Variants in PALS1 observed in about 807,000 individuals in gnomAD.
PALS1 encodes protein PALS1.
PALS1 carries 31 observed loss-of-function variants against 78.9 expected under a neutral mutation model. That is an observed-to-expected ratio of 0.39 (90% CI 0.30 to 0.53). The LOEUF (loss-of-function observed/expected upper bound fraction) is 0.53, where lower values mean the gene tolerates loss of function less well. PALS1 is among the 20% of genes least tolerant of loss of function. The pLI is 0.67. For synonymous variants in PALS1, 276 were observed against 270.9 expected, an observed-to-expected ratio of 1.02 and a Z score of -0.18; for missense variants, 704 against 826.5, an observed-to-expected ratio of 0.85 and a Z score of 1.82.
At chr14:67,276,699 T>A (rs973609727) in intron 2 of PALS1, among the ~76,000 whole-genome samples, 1 of 152,166 alleles carries the variant, frequency 6.6e-6, no homozygotes, top group African/African-American at 2.4e-5. Flanking sequence ...CCTGGGGAGA[T>A]AACCAAAATG....
At chr14:67,332,084 C>A (rs2085459181) in intron 14 of PALS1, among the ~76,000 whole-genome samples, 1 of 152,168 alleles carries the variant, frequency 6.6e-6, no homozygotes, top group Non-Finnish European at 1.5e-5. Context: ...ACTTTTATAT[C>A]TGAGACATTT....
Position 67,245,756 on chromosome 14 carries a change from A to G in PALS1, c.-237+4223A>G, listed in dbSNP as rs189638479. 2.8e-3 allele frequency among the ~76,000 whole-genome samples: 424 copies of G among 152,246 alleles called. 1 individual carries two copies. The highest frequency in any genetic ancestry group is 9.5e-3 in the Admixed American group (146 of 15,290). On this transcript the variant is annotated intron_variant, in intron 1 of 14. Transcript: ENST00000261681. The stretch of plus-strand genomic sequence containing the variant: ...TAACTTCTATACTTCATTACTTTTG[A>G]AGTATAGAATTTTATATTTTGAGAA...
At chr14:67,244,561 A>G (rs1322442516) in intron 1 of PALS1, among the ~76,000 whole-genome samples, 2 of 152,348 alleles carry the variant, frequency 1.3e-5, no homozygotes, top group East Asian at 1.9e-4. Flanking sequence ...TGCAACTACC[A>G]CAATCAAGGT....
At chr14:67,286,412 T>C (rs1240749042) in intron 3 of PALS1, among the ~76,000 whole-genome samples, 5 of 152,332 alleles carry the variant, frequency 3.3e-5, no homozygotes, top group African/African-American at 1.2e-4. Flanking sequence ...TGGAAGAGTG[T>C]ATTTGACAGG....
At chr14:67,322,274 G>T (rs551038076) in intron 13 of PALS1, among the ~76,000 whole-genome samples, 1 of 152,220 alleles carries the variant, frequency 6.6e-6, no homozygotes, top group East Asian at 1.9e-4. Context: ...CCTGAGCCAG[G>T]GAGGCGGAGA....
At chr14:67,305,794 A>T (rs1486394880) in intron 8 of PALS1, among the ~76,000 whole-genome samples, 1 of 152,228 alleles carries the variant, frequency 6.6e-6, no homozygotes, top group Non-Finnish European at 1.5e-5. Flanking sequence ...TTTAGTGGTT[A>T]TTTAACCCCC....
rs1395455144 is a variant in PALS1, at chr14:67,302,474, C to T, written c.866C>T (p.Ala289Val). ...AGCCGGATAGTAAAAGGGGGTGCTG[C>T]AGAGAAAAGTGGTCTGTTGCATGAA... The part of the protein sequence containing the change: ...IISRIVKGGA[A>V]EKSGLLHEGD... The change falls in exon 7 of 15, where the codon GCA becomes GTA. Residue 289 changes from alanine (A) to valine (V), a missense_variant. Coordinates refer to ENST00000261681, the MANE Select transcript of PALS1 (RefSeq NM_022474.4). The T allele has an allele frequency of 2.5e-6, 4 of 1,599,116 alleles. No homozygotes were observed. The African/African-American group carries it at 5.4e-5, about 22-fold the overall frequency.
At position 67,265,968 on chromosome 14, in the gene PALS1, G is replaced by T. The variant is rs114828431; in HGVS notation, c.-236-3733G>T. Among the ~76,000 whole-genome samples, 608 of 151,838 alleles carry T rather than the reference G, an allele frequency of 4.0e-3. 18 individuals carry two copies. The East Asian group carries it at 0.057, about 14-fold the overall frequency. On this transcript the variant is annotated intron_variant, in intron 1 of 14. Transcript: ENST00000261681. ...ATTAAAAAACTTTTAAAAAAAATCT[G>T]TAAAAGTATTATTTATTTTTTGTAG...
At chr14:67,288,820 C>A (rs1354575759) in intron 3 of PALS1, among the ~76,000 whole-genome samples, 1 of 152,030 alleles carries the variant, frequency 6.6e-6, no homozygotes, top group Non-Finnish European at 1.5e-5. Flanking sequence ...TAGCTCTGGG[C>A]CACAGCTTCT....
Position 67,320,436 on chromosome 14 carries a change from A to G in PALS1, c.1537+39A>G, listed in dbSNP as rs750691359. 60 of 1,533,768 alleles carry G rather than the reference A, an allele frequency of 3.9e-5. 1 individual carries two copies. The highest frequency in any genetic ancestry group is 1.8e-4 in the African/African-American group (13 of 71,716). On this transcript the variant is annotated intron_variant, in intron 12 of 14. Transcript: ENST00000261681. ...CATTCCCATTTTCCTGTGCTTTTCA[A>G]TTTACCAGCTCAGAACCTAACTATA...
intron 1 of PALS1, among the ~76,000 whole-genome samples, chr14:67,257,305 T>G (rs2084160122): frequency 6.6e-6 from 1 of 152,130 alleles, no homozygotes; most frequent in Non-Finnish European, 1.5e-5. Flanking sequence ...CTGAGTTCTG[T>G]CTGTCCTTTA....
chr14:67,254,976 T>C lies in PALS1; in HGVS notation c.-237+13443T>C, dbSNP rs535812707. On this transcript the variant is annotated intron_variant, in intron 1 of 14. Coordinates refer to ENST00000261681, the MANE Select transcript of PALS1 (RefSeq NM_022474.4). ...CCATCCTAGCCAACATGGTGAAACC[T>C]CTTCTCTACTAAAAATACAAAAATT... is the stretch of plus-strand genomic sequence containing the variant. Among the ~76,000 whole-genome samples the C allele has an allele frequency of 6.1e-4, 93 of 152,194 alleles. 1 individual carries two copies. Among genetic ancestry groups the C allele is most frequent in the African/African-American group, 2.2e-3 (92 of 41,538 alleles).
intron 1 of PALS1, among the ~76,000 whole-genome samples, chr14:67,249,223 A>C (rs1328132320): frequency 6.6e-6 from 1 of 152,156 alleles, no homozygotes; most frequent in Non-Finnish European, 1.5e-5. Flanking sequence ...CGGCCTCCCA[A>C]AGTGCTGGGA....
At chr14:67,275,809 G>T in intron 2 of PALS1, among the ~76,000 whole-genome samples, 1 of 152,122 alleles carries the variant, frequency 6.6e-6, no homozygotes, top group East Asian at 1.9e-4. Context: ...GCTATTATTG[G>T]TGTATTCAGG....
At chr14:67,285,386 A>ATTT (rs2084670131) in intron 3 of PALS1, among the ~76,000 whole-genome samples, 1 of 101,712 alleles carries the variant, frequency 9.8e-6, no homozygotes, top group East Asian at 5.0e-4. Flanking sequence ...TTTTTTTTTG[A>ATTT]GACGGAGTCT....
rs147655102 is a variant in PALS1 at position 67,302,039 on chromosome 14, G to C, written c.722G>C (p.Arg241Thr). The C allele has an allele frequency of 3.5e-4, 568 of 1,610,760 alleles. 2 individuals are homozygous for C. In the African/African-American group the frequency reaches 6.8e-3, roughly 19 times the overall value. ...EMQLEPITDERVYESIGQYGG... is the reference protein window; with the variant it reads ...EMQLEPITDETVYESIGQYGG... ...CAGCTAGAGCCCATTACAGATGAGAGAGTTTATGAAAGTATTGGCCAGTAT... is the reference window on the plus strand; with the variant it reads ...CAGCTAGAGCCCATTACAGATGAGACAGTTTATGAAAGTATTGGCCAGTAT... The change falls in exon 6 of 15, where the codon AGA becomes ACA. Residue 241 changes from arginine to threonine, a missense_variant. Transcript: ENST00000261681.
chr14:67,320,470 G>A, intron 12 of PALS1, 73 bp downstream of exon 12: 7 of 1,363,956 alleles, frequency 5.1e-6, no homozygotes, highest in East Asian at 2.6e-5. Context: ...TATCATGTAG[G>A]GAAATTTTTT....
At chr14:67,248,530 A>G (rs2084019212) in intron 1 of PALS1, among the ~76,000 whole-genome samples, 1 of 152,176 alleles carries the variant, frequency 6.6e-6, no homozygotes, top group Admixed American at 6.5e-5. Context: ...TTTCTGTCTC[A>G]TATAATTTTA....
In PALS1 at chr14:67,317,490, C is replaced by CG; in HGVS notation, c.1369+11_1369+12insG. The stretch of plus-strand genomic sequence containing the variant: ...CCAATAAAAATGATGGTAAGTTCTA[C>CG]TCTCAGGGATAGGTGGAATTATATC... On this transcript the variant is annotated intron_variant, in intron 11 of 14. Coordinates refer to ENST00000261681, the MANE Select transcript of PALS1 (RefSeq NM_022474.4). 6.3e-7 allele frequency: 1 copy of CG among 1,575,628 alleles called. No individual in the cohort carries two copies. The highest frequency in any genetic ancestry group is 8.7e-7 in the Non-Finnish European group (1 of 1,147,838).
Sources: gnomAD v4.1 joint callset for allele counts (sites outside exome capture counted in the v4.1 genomes callset) on GRCh38, gnomAD v4.1.1 for gene constraint, MANE v1.5 for transcripts, NCBI Gene and HGNC (gene_info 2026-07-23, HGNC 2026-07-21) for gene names.